Variants in EPHA4 observed in about 807,000 individuals in gnomAD.
The protein encoded by EPHA4 is ephrin type-A receptor 4.
Under a neutral mutation model 108.3 loss-of-function variants are expected in EPHA4, and 19 were observed. The observed-to-expected ratio is 0.18, with a 90% confidence interval of 0.12 to 0.26. The LOEUF is 0.26. Among genes scored for constraint, EPHA4 ranks in the 10% least tolerant of loss-of-function variants. The probability of loss-of-function intolerance (pLI) is 1.00; values close to 1 mark genes in which losing one functional copy is unlikely to be tolerated. For missense variants in EPHA4, 917 were observed against 1,254.0 expected, an observed-to-expected ratio of 0.73 and a Z score of 4.06; for synonymous variants, 449 against 455.5, an observed-to-expected ratio of 0.99 and a Z score of 0.18.
intron 3 of EPHA4, among the ~76,000 whole-genome samples, chr2:221,550,841 C>T (rs566455018): frequency 3.6e-4 from 55 of 150,806 alleles, no homozygotes; most frequent in Non-Finnish European, 5.6e-4. Flanking sequence ...TGGTTTATCA[C>T]GAGAAAAAAT....
At position 221,482,611 on chromosome 2, in the gene EPHA4, A is replaced by G; in HGVS notation, c.1059T>C (p.Asn353=). The change falls in exon 5 of 18, where the codon AAT becomes AAC. Residue 353 remains asparagine, a synonymous_variant. Transcript: ENST00000281821. ...AGGAAATGTCCTGGCGGCCACCTGT[A>G]TTCTGAGGGCTACTCCATTCCAAGT... The part of the protein sequence containing the change: ...SVNLEWSSPQ[N]TGGRQDISYN... The G allele has an allele frequency of 6.2e-7, 1 of 1,613,938 alleles. No homozygotes were observed.
At chr2:221,489,047 TA>T (rs1393871928) in intron 4 of EPHA4, among the ~76,000 whole-genome samples, 2 of 152,226 alleles carry the variant, frequency 1.3e-5, no homozygotes, top group South Asian at 4.1e-4. Flanking sequence ...TAATGTCATT[TA>T]AAAGCCGTCA....
At position 221,443,469 on chromosome 2, in the gene EPHA4, G is replaced by A. The variant is rs777348123; in HGVS notation, c.1888+24C>T. On this transcript the variant is annotated intron_variant, in intron 10 of 17. Coordinates refer to ENST00000281821, the MANE Select transcript of EPHA4 (RefSeq NM_004438.5). ...ATCCACCAAGAAAACAGACTCATTA[G>A]CAGACGGACACTCAGACACTTACCA... 28 of 1,538,436 alleles carry A rather than the reference G, an allele frequency of 1.8e-5. No homozygotes were observed. In the South Asian group the frequency reaches 3.1e-4, roughly 17 times the overall value.
chr2:221,536,414 C>T (rs2106187127), intron 3 of EPHA4, among the ~76,000 whole-genome samples: 1 of 152,192 alleles, frequency 6.6e-6, no homozygotes, highest in Non-Finnish European at 1.5e-5. Context: ...TGAAGGCTGC[C>T]CTCCAGATTA....
chr2:221,441,510 A>G (rs1460269245), intron 11 of EPHA4, among the ~76,000 whole-genome samples: 1 of 151,870 alleles, frequency 6.6e-6, no homozygotes, highest in Non-Finnish European at 1.5e-5. Context: ...CACATTCACC[A>G]TCCTTCAAGT....
Position 221,454,375 on chromosome 2 carries a change from A to G in EPHA4, c.1715+1172T>C, listed in dbSNP as rs536679849. Among the ~76,000 whole-genome samples the G allele has an allele frequency of 1.3e-4, 20 of 152,308 alleles. No individual in the cohort carries two copies. In the East Asian group the frequency reaches 1.5e-3, roughly 12 times the overall value. The stretch of plus-strand genomic sequence containing the variant: ...GATCATCAGTAGGCAGAGAGGGACA[A>G]TGCAACAGACACTGGCCTGAGGGCC... On this transcript the variant is annotated intron_variant, in intron 8 of 17. Transcript: ENST00000281821.
upstream of EPHA4, chr2:221,572,477 C>A (rs553717270): frequency 1.3e-4 from 43 of 324,918 alleles, no homozygotes; most frequent in African/African-American, 8.9e-4. Context: ...CTCCACGGGG[C>A]GCGCGGTCTC....
At chr2:221,546,847 T>A (rs1426970203) in intron 3 of EPHA4, among the ~76,000 whole-genome samples, 2 of 152,206 alleles carry the variant, frequency 1.3e-5, no homozygotes, top group African/African-American at 4.8e-5. Context: ...TGTATATAGA[T>A]AGCTAGTCTG....
At chr2:221,573,480 C>T (rs1212856023), upstream of EPHA4, 1 of 152,296 alleles carries the variant, frequency 6.6e-6, no homozygotes, top group Non-Finnish European at 1.5e-5. The surrounding 1 kb of genome is among the most constrained non-coding windows in gnomAD (Gnocchi z 4.5). Flanking sequence ...GACCGGTCCC[C>T]AACGCCACTC....
intron 2 of EPHA4, among the ~76,000 whole-genome samples, chr2:221,566,105 G>C (rs188346496): frequency 6.6e-6 from 1 of 152,140 alleles, no homozygotes; most frequent in African/African-American, 2.4e-5. Context: ...TGGCTACAAC[G>C]ATGTTATCAG....
intron 13 of EPHA4, among the ~76,000 whole-genome samples, chr2:221,435,068 A>G (rs1690188474): frequency 6.6e-6 from 1 of 152,176 alleles, no homozygotes; most frequent in East Asian, 1.9e-4. Flanking sequence ...AATTAATTCA[A>G]GTCTAATTCA....
chr2:221,492,783 T>A (rs1370839683), intron 4 of EPHA4, among the ~76,000 whole-genome samples: 3 of 152,224 alleles, frequency 2.0e-5, no homozygotes, highest in Non-Finnish European at 4.4e-5. Context: ...GCTTACCAAC[T>A]AACAGGCAGC....
chr2:221,472,992 G>T (rs1415350618), intron 5 of EPHA4, among the ~76,000 whole-genome samples: 2 of 152,106 alleles, frequency 1.3e-5, no homozygotes, highest in African/African-American at 4.8e-5. Flanking sequence ...TGACCATTCA[G>T]CCAGATTCCC....
chr2:221,573,489 T>A (rs1694910179), upstream of EPHA4: 1 of 152,282 alleles, frequency 6.6e-6, no homozygotes, highest in Non-Finnish European at 1.5e-5. The surrounding 1 kb of genome is among the most constrained non-coding windows in gnomAD (Gnocchi z 4.5). Context: ...CCAACGCCAC[T>A]CGGTGCATTT....
intron 3 of EPHA4, among the ~76,000 whole-genome samples, chr2:221,503,058 G>A (rs899527829): frequency 3.9e-5 from 6 of 152,156 alleles, no homozygotes; most frequent in Non-Finnish European, 7.3e-5. Flanking sequence ...AAGGACTGGG[G>A]GTCAAGCCCA....
At chr2:221,450,423 A>G (rs1420135396) in intron 8 of EPHA4, among the ~76,000 whole-genome samples, 1 of 152,236 alleles carries the variant, frequency 6.6e-6, no homozygotes, top group Non-Finnish European at 1.5e-5. Flanking sequence ...CACAGATTAC[A>G]AATCTTACCA....
At chr2:221,485,536 G>A (rs1691951777) in intron 4 of EPHA4, among the ~76,000 whole-genome samples, 1 of 152,098 alleles carries the variant, frequency 6.6e-6, no homozygotes, top group Non-Finnish European at 1.5e-5. Flanking sequence ...GGAGTATAAC[G>A]AAGTCATATG....
chr2:221,481,249 T>C (rs1365643323), intron 5 of EPHA4, among the ~76,000 whole-genome samples: 1 of 152,180 alleles, frequency 6.6e-6, no homozygotes, highest in Non-Finnish European at 1.5e-5. Flanking sequence ...AAACACTTCA[T>C]GAACAGGAAA....
intron 5 of EPHA4, among the ~76,000 whole-genome samples, chr2:221,461,557 G>C (rs1480470889): frequency 1.3e-5 from 2 of 152,072 alleles, no homozygotes; most frequent in African/African-American, 4.8e-5. Flanking sequence ...TTTACATTCT[G>C]AAATCTCATA....
Sources: gnomAD v4.1 joint callset for allele counts (sites outside exome capture counted in the v4.1 genomes callset) on GRCh38, gnomAD v4.1.1 for gene constraint, Gnocchi (gnomAD v3.1) non-coding constraint, MANE v1.5 for transcripts, NCBI Gene and HGNC (gene_info 2026-07-23, HGNC 2026-07-21) for gene names.